Variants in LINC00305 observed in about 807,000 individuals in gnomAD.
LINC00305 encodes the protein long intergenic non-protein coding RNA 305.
At chr18:64,124,556 A>C (rs952090476) in intron 1 of LINC00305, among the ~76,000 whole-genome samples, 2 of 152,162 alleles carry the variant, frequency 1.3e-5, no homozygotes, top group African/African-American at 2.4e-5. Context: ...GCCAAACACA[A>C]GTCTTAATAT....
At chr18:64,126,576 T>A (rs2051386384) in intron 1 of LINC00305, among the ~76,000 whole-genome samples, 1 of 152,132 alleles carries the variant, frequency 6.6e-6, no homozygotes, top group Admixed American at 6.6e-5. Context: ...CTGCCCTTAA[T>A]AATTTATTCA....
rs544814345 is a variant in LINC00305 at position 64,145,869 on chromosome 18, G to A, written n.314+2906C>T. On this transcript the variant is annotated intron_variant and non_coding_transcript_variant, in intron 1 of 3. Coordinates refer to ENST00000666468, the Ensembl canonical transcript of LINC00305. ...ATGATATACCCTCAAAGTTAGGTTAGCAGTACCTATTGACAATATTTCTCT... is the reference window on the plus strand; with the variant it reads ...ATGATATACCCTCAAAGTTAGGTTAACAGTACCTATTGACAATATTTCTCT... Among the ~76,000 whole-genome samples, 3 of 152,288 alleles carry A rather than the reference G, an allele frequency of 2.0e-5. No homozygotes were observed. The South Asian group carries it at 6.2e-4, about 32-fold the overall frequency.
intron 1 of LINC00305, among the ~76,000 whole-genome samples, chr18:64,105,160 A>G (rs2051284762): frequency 6.6e-6 from 1 of 152,122 alleles, no homozygotes; most frequent in African/African-American, 2.4e-5. Context: ...ATCACAGTGC[A>G]TATAAAAAAT....
At chr18:64,115,097 C>T (rs1377596300) in intron 1 of LINC00305, among the ~76,000 whole-genome samples, 7 of 152,200 alleles carry the variant, frequency 4.6e-5, no homozygotes, top group South Asian at 2.1e-4. Context: ...AAGGGAAAGC[C>T]GTGTGCTGAA....
At chr18:64,124,573 A>G (rs1189001584) in intron 1 of LINC00305, among the ~76,000 whole-genome samples, 1 of 152,126 alleles carries the variant, frequency 6.6e-6, no homozygotes, top group Non-Finnish European at 1.5e-5. Flanking sequence ...ATATGTCCCA[A>G]TGGCTCTTCC....
chr18:64,134,420 C>T (rs2051423476), intron 1 of LINC00305, among the ~76,000 whole-genome samples: 1 of 152,204 alleles, frequency 6.6e-6, no homozygotes, highest in Non-Finnish European at 1.5e-5. Context: ...GACTTCTCTG[C>T]TTCCCTAGCT....
intron 1 of LINC00305, among the ~76,000 whole-genome samples, chr18:64,130,983 T>C (rs576637737): frequency 6.6e-6 from 1 of 152,244 alleles, no homozygotes; most frequent in African/African-American, 2.4e-5. Context: ...TGGTTGGCCA[T>C]GGATTTAAAT....
At chr18:64,124,914 T>C (rs1287065642) in intron 1 of LINC00305, among the ~76,000 whole-genome samples, 2 of 152,098 alleles carry the variant, frequency 1.3e-5, no homozygotes, top group East Asian at 3.9e-4. Context: ...TAACACCAAA[T>C]TCAATATCTT....
At chr18:64,085,466 C>G (rs898888771) in intron 3 of LINC00305, among the ~76,000 whole-genome samples, 17 of 144,974 alleles carry the variant, frequency 1.2e-4, no homozygotes, top group Admixed American at 6.9e-4. Flanking sequence ...GTATTTGTCA[C>G]TTTTTTTTTT....
chr18:64,105,857 A>G (rs1055877897), intron 1 of LINC00305, among the ~76,000 whole-genome samples: 2 of 152,244 alleles, frequency 1.3e-5, no homozygotes, highest in African/African-American at 4.8e-5. Flanking sequence ...AGTAACTCAC[A>G]GTTACTTTTA....
chr18:64,120,387 A>C (rs1275210325), intron 1 of LINC00305, among the ~76,000 whole-genome samples: 1 of 152,144 alleles, frequency 6.6e-6, no homozygotes, highest in Non-Finnish European at 1.5e-5. Flanking sequence ...GCTGGTTCAG[A>C]TTAATGATCT....
At chr18:64,144,071 C>A (rs1275359402) in intron 1 of LINC00305, among the ~76,000 whole-genome samples, 1 of 152,128 alleles carries the variant, frequency 6.6e-6, no homozygotes, top group Non-Finnish European at 1.5e-5. Context: ...TTATCAAATT[C>A]TTTTTATGCC....
chr18:64,091,208 C>T (rs181939189), intron 3 of LINC00305, among the ~76,000 whole-genome samples: 11 of 152,258 alleles, frequency 7.2e-5, no homozygotes, highest in East Asian at 3.9e-4. Context: ...ATAGAAGGTG[C>T]GACCTCTCTG....
intron 1 of LINC00305, among the ~76,000 whole-genome samples, chr18:64,125,053 G>C (rs1212228573): frequency 6.6e-6 from 1 of 152,060 alleles, no homozygotes; most frequent in Non-Finnish European, 1.5e-5. Context: ...TGCTCACAGT[G>C]AGTTGTAGAA....
intron 1 of LINC00305, among the ~76,000 whole-genome samples, chr18:64,111,425 C>G (rs1281120604): frequency 6.6e-6 from 1 of 152,160 alleles, no homozygotes; most frequent in African/African-American, 2.4e-5. Context: ...TGGGGGAGAG[C>G]ATGAGGACAG....
chr18:64,137,847 T>TACACACACAC (rs34096602), intron 1 of LINC00305, among the ~76,000 whole-genome samples: 71 of 148,578 alleles, frequency 4.8e-4, no homozygotes, highest in Non-Finnish European at 7.9e-4. Flanking sequence ...TACACACACA[T>TACACACACAC]ACACACACAC....
chr18:64,125,449 T>A (rs1269549840), intron 1 of LINC00305, among the ~76,000 whole-genome samples: 1 of 152,158 alleles, frequency 6.6e-6, no homozygotes, highest in Non-Finnish European at 1.5e-5. Context: ...TTATCTTAAT[T>A]CGTATTCTCA....
Position 64,121,731 on chromosome 18 carries a change from T to C in LINC00305, n.315-23091A>G, listed in dbSNP as rs142118569. ...CCAATAACGGGATTGCTGGATAGAATAGTAGTTCTGTTTTTAGTTTTTGAG... is the reference window on the plus strand; with the variant it reads ...CCAATAACGGGATTGCTGGATAGAACAGTAGTTCTGTTTTTAGTTTTTGAG... On this transcript the variant is annotated intron_variant and non_coding_transcript_variant, in intron 1 of 3. Transcript: ENST00000666468. Among the ~76,000 whole-genome samples, 1,249 of 152,240 alleles carry C rather than the reference T, an allele frequency of 8.2e-3. 22 individuals carry two copies. The highest frequency in any genetic ancestry group is 0.029 in the African/African-American group (1,198 of 41,536).
chr18:64,139,689 AT>A (rs1357071071), intron 1 of LINC00305: 1 of 152,148 alleles, frequency 6.6e-6, no homozygotes, highest in Non-Finnish European at 1.5e-5. Context: ...AGGCACAGGC[AT>A]CCAGTGTAGA....
Sources: gnomAD v4.1 joint callset for allele counts (sites outside exome capture counted in the v4.1 genomes callset) on GRCh38, gnomAD v4.1.1 for gene constraint, MANE v1.5 for transcripts, NCBI Gene and HGNC (gene_info 2026-07-23, HGNC 2026-07-21) for gene names.